The following UTRN variants were observed in gnomAD, a reference collection of about 807,000 sequenced individuals.
UTRN encodes dystrophin-related protein 1.
A neutral mutation model predicts 463.9 loss-of-function variants in UTRN; 283 were observed. The ratio of observed to expected loss-of-function variants is 0.61; its 90% CI spans 0.55 to 0.67. The LOEUF is 0.67. UTRN is among the 30% of genes least tolerant of loss of function. The pLI is 0.00. For missense variants in UTRN, 3,922 were observed against 4,084.3 expected (o/e 0.96, Z 1.08); for synonymous variants, 1,442 against 1,431.5 (o/e 1.01, Z -0.17).
chr6:144,412,499 T>C (rs1783987600), intron 3 of UTRN, among the ~76,000 whole-genome samples: 1 of 152,120 alleles, frequency 6.6e-6, no homozygotes, highest in Admixed American at 6.5e-5. Flanking sequence ...AAGATTCTAA[T>C]TTGAAAAGGT....
chr6:144,669,835 T>A (rs1315055712), intron 51 of UTRN, among the ~76,000 whole-genome samples: 1 of 152,058 alleles, frequency 6.6e-6, no homozygotes, highest in Non-Finnish European at 1.5e-5. Context: ...GAACATACGA[T>A]GTTTGATTTT....
At chr6:144,800,745 A>G (rs1228335317) in intron 64 of UTRN, among the ~76,000 whole-genome samples, 1 of 151,864 alleles carries the variant, frequency 6.6e-6, no homozygotes, top group Non-Finnish European at 1.5e-5. Flanking sequence ...ACTACCAATA[A>G]CATCATTAGT....
chr6:144,668,416 G>A (rs1780647922), intron 51 of UTRN, among the ~76,000 whole-genome samples: 1 of 152,182 alleles, frequency 6.6e-6, no homozygotes, highest in Non-Finnish European at 1.5e-5. Context: ...GTATTCCTAT[G>A]TAAATTTTCA....
chr6:144,557,587 C>T (rs377566105), intron 50 of UTRN, among the ~76,000 whole-genome samples: 10 of 151,762 alleles, frequency 6.6e-5, no homozygotes, highest in African/African-American at 9.7e-5. Flanking sequence ...GATTGTCTTA[C>T]GCTCTCAGTA....
At chr6:144,424,354 G>A (rs1344518236) in intron 6 of UTRN, among the ~76,000 whole-genome samples, 2 of 152,124 alleles carry the variant, frequency 1.3e-5, no homozygotes, top group Admixed American at 6.5e-5. Flanking sequence ...TGATAACATA[G>A]CTCCAGTGTT....
chr6:144,458,601 T>C (rs576560754), intron 19 of UTRN, among the ~76,000 whole-genome samples, 169 bp from the exon 20 acceptor site: 6 of 152,362 alleles, frequency 3.9e-5, no homozygotes, highest in Non-Finnish European at 8.8e-5. Context: ...AACATCATTA[T>C]TTTTAAGTGC....
Position 144,329,361 on chromosome 6 carries a change from A to T in UTRN, c.79+37454A>T, listed in dbSNP as rs145493492. On this transcript the variant is annotated intron_variant, in intron 2 of 74. Transcript: ENST00000367545. ...CTCCCAAAGTGCTGGGATTACAGAT[A>T]TGAGGCACCGCACCCAGCCTGACAA... is the stretch of plus-strand genomic sequence containing the variant. Among the ~76,000 whole-genome samples, 430 of 152,238 alleles carry T rather than the reference A, an allele frequency of 2.8e-3. 3 individuals are homozygous for T. Among genetic ancestry groups the T allele is most frequent in the East Asian group, 0.012 (60 of 5,180 alleles).
chr6:144,647,059 G>A (rs7753246), intron 51 of UTRN, among the ~76,000 whole-genome samples: 29,812 of 152,058 alleles, frequency 0.2, 3,029 homozygotes, highest in Admixed American at 0.28. Context: ...AGGAGTAAAA[G>A]CAAAATCTTA....
intron 69 of UTRN, 95 bp from the exon 70 acceptor site, chr6:144,835,685 C>T (rs1049797828): frequency 2.0e-6 from 3 of 1,534,444 alleles, no homozygotes; most frequent in African/African-American, 2.7e-5. Flanking sequence ...TTGGCCCAGC[C>T]ACTATCCTGT....
intron 53 of UTRN, among the ~76,000 whole-genome samples, chr6:144,709,550 A>G (rs1785452513): frequency 6.6e-6 from 1 of 152,286 alleles, no homozygotes; most frequent in African/African-American, 2.4e-5. Flanking sequence ...AAAAGTTCCC[A>G]TAGAAAGAAA....
Position 144,820,918 on chromosome 6 carries a change from G to A in UTRN, c.9394G>A (p.Val3132Ile), listed in dbSNP as rs1206420020. 1 of 1,613,762 alleles carries A rather than the reference G, an allele frequency of 6.2e-7. No individual in the cohort carries two copies. The highest frequency in any genetic ancestry group is 1.7e-5 in the Admixed American group (1 of 59,998). ...GGAAGATGTACGAGACTTCACAAAGGTACTTAAGAACAAGTTCAGGTCGAA... is the reference window on the plus strand; with the variant it reads ...GGAAGATGTACGAGACTTCACAAAGATACTTAAGAACAAGTTCAGGTCGAA... Reference protein sequence around the residue: ...SGEDVRDFTKVLKNKFRSKKY... With the variant: ...SGEDVRDFTKILKNKFRSKKY... The change falls in exon 66 of 75, where the codon GTA becomes ATA. Residue 3132 changes from valine to isoleucine, a missense_variant. Transcript: ENST00000367545.
At position 144,458,843 on chromosome 6, in the gene UTRN, T is replaced by A; in HGVS notation, c.2358T>A (p.His786Gln). The A allele has an allele frequency of 6.2e-7, 1 of 1,613,392 alleles. No homozygotes were observed. The change falls in exon 20 of 75, where the codon CAT (histidine) becomes CAA (glutamine). Residue 786 changes from histidine (H) to glutamine (Q), a missense_variant. His to Gln is a conservative substitution (Grantham distance 24). Around this residue, in one of 3 missense-constraint regions of UTRN, gnomAD observed 2,349 missense variants for 2,303.8 expected, o/e 1.02. Transcript: ENST00000367545. ...CAGAATGGAAGAATGTATCTCAACA[T>A]TTGGAAGATCTAGAAAGAAAGATTC... ...VSSEWKNVSQ[H>Q]LEDLERKIQL...
intron 50 of UTRN, among the ~76,000 whole-genome samples, chr6:144,560,298 C>G (rs949100130): frequency 6.6e-6 from 1 of 152,048 alleles, no homozygotes. Flanking sequence ...GACTGTCAGC[C>G]GTTGCTGACA....
chr6:144,358,954 G>A (rs9496945), intron 2 of UTRN, among the ~76,000 whole-genome samples: 8,338 of 151,976 alleles, frequency 0.055, 781 homozygotes, highest in African/African-American at 0.19. Flanking sequence ...TGGTGTTTTC[G>A]TTTGACATTA....
chr6:144,705,142 G>A (rs1305527398), intron 53 of UTRN, among the ~76,000 whole-genome samples: 3 of 152,158 alleles, frequency 2.0e-5, no homozygotes, highest in Admixed American at 6.5e-5. Context: ...GTTTTAGGGT[G>A]CACTGGAGGC....
chr6:144,621,497 G>T (rs1050447612), intron 51 of UTRN, among the ~76,000 whole-genome samples: 3 of 151,980 alleles, frequency 2.0e-5, no homozygotes, highest in Non-Finnish European at 2.9e-5. Flanking sequence ...ATGAGTTTAC[G>T]CCCTATCTTG....
At chr6:144,619,734 A>G (rs191123216) in intron 51 of UTRN, among the ~76,000 whole-genome samples, 16 of 152,332 alleles carry the variant, frequency 1.1e-4, no homozygotes, top group Admixed American at 7.8e-4. Flanking sequence ...TAGATGACAA[A>G]GAAGAAGACA....
chr6:144,660,225 A>G (rs1562722600), intron 51 of UTRN: 1 of 471,222 alleles, frequency 2.1e-6, no homozygotes, highest in Non-Finnish European at 4.4e-6. Flanking sequence ...CTACTGGACA[A>G]TGATTGGTCT....
chr6:144,384,946 G>A (rs555845073), intron 2 of UTRN, among the ~76,000 whole-genome samples: 2 of 152,006 alleles, frequency 1.3e-5, no homozygotes, highest in Admixed American at 6.5e-5. Context: ...CTCAGATCCC[G>A]TTTCTCCTTG....
Sources: gnomAD v4.1 joint callset for allele counts (sites outside exome capture counted in the v4.1 genomes callset) on GRCh38, gnomAD v4.1.1 for gene constraint, gnomAD v4.1.1 regional missense constraint, MANE v1.5 for transcripts, NCBI Gene and HGNC (gene_info 2026-07-23, HGNC 2026-07-21) for gene names.